The following GPC3 variants were observed in gnomAD, a reference collection of about 807,000 sequenced individuals.
The protein encoded by GPC3 is glypican-3.
Under a neutral mutation model 34.4 loss-of-function variants are expected in GPC3, and 3 were observed. That is an observed-to-expected ratio of 0.09 (90% CI 0.04 to 0.23). GPC3 has a LOEUF of 0.23. GPC3 is among the 10% of genes least tolerant of loss of function. The probability of loss-of-function intolerance (pLI) is 1.00; values close to 1 mark genes in which losing one functional copy is unlikely to be tolerated. For synonymous variants in GPC3, 177 were observed against 174.0 expected, an observed-to-expected ratio of 1.02 and a Z score of -0.13; for missense variants, 351 against 445.6, an observed-to-expected ratio of 0.79 and a Z score of 1.91.
At chrX:133,896,648 T>C (rs776223545) in intron 2 of GPC3, among the ~76,000 whole-genome samples, 235 of 111,716 alleles carry the variant, frequency 2.1e-3, no homozygotes, top group Middle Eastern at 4.6e-3. Context: ...GCTTTCTGTA[T>C]CTATCTAAGG....
intron 2 of GPC3, among the ~76,000 whole-genome samples, chrX:133,808,782 C>T (rs754130345): frequency 1.8e-5 from 2 of 110,599 alleles, no homozygotes; most frequent in Non-Finnish European, 3.8e-5. Flanking sequence ...AATACCTGTT[C>T]TAACTTTGAA....
intron 6 of GPC3, among the ~76,000 whole-genome samples, chrX:133,602,615 A>G (rs983809246): frequency 2.7e-5 from 3 of 111,832 alleles, no homozygotes; most frequent in African/African-American, 9.7e-5. Flanking sequence ...CCACTGTTCT[A>G]TACTACTGTA....
At chrX:133,834,993 A>G (rs2075793026) in intron 2 of GPC3, among the ~76,000 whole-genome samples, 1 of 112,200 alleles carries the variant, frequency 8.9e-6, no homozygotes, top group Non-Finnish European at 1.9e-5. Context: ...TTATCTAGAT[A>G]CTTCATGGCA....
At chrX:133,691,695 AC>A (rs373493196) in intron 5 of GPC3, among the ~76,000 whole-genome samples, 209 of 111,868 alleles carry the variant, frequency 1.9e-3, no homozygotes, top group African/African-American at 6.4e-3. Flanking sequence ...GATAAATAAT[AC>A]ATACAAAGCA....
intron 2 of GPC3, among the ~76,000 whole-genome samples, chrX:133,819,240 G>A (rs1021480185): frequency 2.1e-5 from 2 of 96,168 alleles, no homozygotes; most frequent in Non-Finnish European, 4.1e-5. Flanking sequence ...GAGAACAAGC[G>A]GATTTTTTTT....
intron 2 of GPC3, among the ~76,000 whole-genome samples, chrX:133,786,888 A>G (rs1396929102): frequency 8.9e-6 from 1 of 111,965 alleles, no homozygotes; most frequent in Non-Finnish European, 1.9e-5. Flanking sequence ...CTGTAACACA[A>G]TCAAACATCT....
intron 2 of GPC3, among the ~76,000 whole-genome samples, chrX:133,937,345 CTATATT>C (rs2076327727): frequency 1.8e-5 from 2 of 111,305 alleles, no homozygotes; most frequent in Admixed American, 1.9e-4. Flanking sequence ...ATAATTGAAG[CTATATT>C]CTCTGGGCTA....
chrX:133,749,800 A>G (rs941283192), intron 3 of GPC3, among the ~76,000 whole-genome samples: 10 of 111,396 alleles, frequency 9.0e-5, no homozygotes, highest in Admixed American at 8.6e-4. Flanking sequence ...CTACTGGAGA[A>G]TCTCATTAAA....
chrX:133,729,915 T>A (rs935752215), intron 3 of GPC3, among the ~76,000 whole-genome samples: 2 of 112,626 alleles, frequency 1.8e-5, no homozygotes, highest in Non-Finnish European at 3.8e-5. Context: ...AAAGTTTCTG[T>A]AATATAGACC....
chrX:133,788,772 T>C (rs1603247634), intron 2 of GPC3, among the ~76,000 whole-genome samples: 1 of 95,042 alleles, frequency 1.1e-5, no homozygotes, highest in South Asian at 6.6e-4. Flanking sequence ...CTTTTCCTCC[T>C]CTTCTTTGTT....
At chrX:133,935,202 C>T (rs2076318347) in intron 2 of GPC3, among the ~76,000 whole-genome samples, 1 of 111,868 alleles carries the variant, frequency 8.9e-6, no homozygotes, top group African/African-American at 3.3e-5. Context: ...AGGTATTTAT[C>T]TCTTTTCTTT....
rs141094557 is a variant in GPC3 at position 133,686,853 on chromosome X, T to C, written c.1292+5516A>G. On this transcript the variant is annotated intron_variant, in intron 5 of 7. Transcript: ENST00000370818. The stretch of plus-strand genomic sequence containing the variant: ...ATACACATGGATGGGGCCTCTGTTG[T>C]GATACCTCTAAGAGGAGCTCTCCCT... Among the ~76,000 whole-genome samples, 28 of 110,362 alleles carry C rather than the reference T, an allele frequency of 2.5e-4. 1 individual carries two copies. The East Asian group carries it at 7.7e-3, about 31-fold the overall frequency.
rs747071174 is a variant in GPC3 at position 133,853,442 on chromosome X, G to A, written c.338-99266C>T. ...CCTCTCCAAGTACAGCCTTACTTAT[G>A]GCAAAACCCTAACAATTAGCAGAAA... On this transcript the variant is annotated intron_variant, in intron 2 of 7. Transcript: ENST00000370818. Among the ~76,000 whole-genome samples the A allele has an allele frequency of 6.3e-5, 7 of 111,768 alleles. No individual in the cohort carries two copies. The East Asian group carries it at 2.0e-3, about 31-fold the overall frequency.
intron 3 of GPC3, among the ~76,000 whole-genome samples, chrX:133,716,639 A>G (rs2071316153): frequency 8.9e-6 from 1 of 112,035 alleles, no homozygotes; most frequent in Admixed American, 9.4e-5. Context: ...AGGAAGATGA[A>G]GAAAAAAGAA....
At chrX:133,539,267 A>C (rs1363957069) in intron 7 of GPC3, among the ~76,000 whole-genome samples, 1 of 111,483 alleles carries the variant, frequency 9.0e-6, no homozygotes, top group Non-Finnish European at 1.9e-5. Flanking sequence ...TAGAAGAGCT[A>C]TTTGAGTCCA....
chrX:133,911,099 A>C (rs1471430408), intron 2 of GPC3, among the ~76,000 whole-genome samples: 1 of 112,703 alleles, frequency 8.9e-6, no homozygotes, highest in Non-Finnish European at 1.9e-5. Flanking sequence ...ACATTTTAGC[A>C]TAAAGCTTTC....
At chrX:133,940,116 C>G (rs1417194831) in intron 2 of GPC3, among the ~76,000 whole-genome samples, 1 of 111,159 alleles carries the variant, frequency 9.0e-6, no homozygotes, top group Non-Finnish European at 1.9e-5. Context: ...AAGGCTGCCA[C>G]CCTGCCATAG....
chrX:133,800,701 T>C (rs2075605079), intron 2 of GPC3, among the ~76,000 whole-genome samples: 1 of 111,823 alleles, frequency 8.9e-6, no homozygotes, highest in Non-Finnish European at 1.9e-5. Flanking sequence ...AAGTACATTC[T>C]GGAAAGACTG....
chrX:133,697,527 G>A (rs2071128467), intron 4 of GPC3, among the ~76,000 whole-genome samples: 1 of 111,516 alleles, frequency 9.0e-6, no homozygotes, highest in Non-Finnish European at 1.9e-5. Context: ...TCCAAGGAGA[G>A]GGGCTATCTT....
Sources: gnomAD v4.1 joint callset for allele counts (sites outside exome capture counted in the v4.1 genomes callset) on GRCh38, gnomAD v4.1.1 for gene constraint, MANE v1.5 for transcripts, NCBI Gene and HGNC (gene_info 2026-07-23, HGNC 2026-07-21) for gene names.